The following OAS2 variants were observed in gnomAD, a reference collection of about 807,000 sequenced individuals.
OAS2 encodes 2'-5'-oligoadenylate synthetase 2.
In OAS2, 67 loss-of-function variants were observed where a neutral mutation model predicts 71.3. The ratio of observed to expected loss-of-function variants is 0.94; its 90% CI spans 0.77 to 1.15. The LOEUF (loss-of-function observed/expected upper bound fraction) is 1.15. Ranked by LOEUF, OAS2 falls within the 50% of genes most tolerant of loss-of-function variation. The pLI is 0.00. For synonymous variants in OAS2, 327 were observed against 321.8 expected (o/e 1.02, Z -0.17); for missense variants, 789 against 822.5 (o/e 0.96, Z 0.50).
chr12:113,008,392 C>T (rs909746233), intron 9 of OAS2, among the ~76,000 whole-genome samples: 1 of 151,974 alleles, frequency 6.6e-6, no homozygotes, highest in African/African-American at 2.4e-5. Context: ...AATAAAGGAG[C>T]GTTGAAAAAG....
intron 9 of OAS2, 75 bp from the exon 10 acceptor site, chr12:113,009,012 T>C: frequency 6.5e-7 from 1 of 1,549,786 alleles, no homozygotes; most frequent in East Asian, 2.3e-5. Context: ...TTGCTGAAAG[T>C]ATTATAGGAT....
At chr12:112,987,737 G>A (rs2044153394) in intron 2 of OAS2, 1 of 1,011,206 alleles carries the variant, frequency 9.9e-7, no homozygotes. Context: ...AAGAGGATGA[G>A]GCAGACATCT....
At chr12:112,983,946 G>A (rs943171576) in intron 1 of OAS2, among the ~76,000 whole-genome samples, 6 of 152,126 alleles carry the variant, frequency 3.9e-5, no homozygotes, top group Non-Finnish European at 8.8e-5. Flanking sequence ...TAAATAATCT[G>A]CAAATATTCA....
intron 7 of OAS2, among the ~76,000 whole-genome samples, chr12:113,005,918 CAAAAAAAAAAAAAAAAAA>C (rs138299398): frequency 2.0e-5 from 1 of 49,044 alleles, no homozygotes; most frequent in Non-Finnish European, 3.5e-5. Flanking sequence ...ACAACAACAA[CAAAAAAAAAAAAAAAAAA>C]AAAAAAAAAA....
At chr12:113,003,135 A>G (rs746687058) in intron 6 of OAS2, 33 bp downstream of exon 6, 3 of 1,607,374 alleles carry the variant, frequency 1.9e-6, no homozygotes, top group Non-Finnish European at 1.7e-6. Context: ...TCTTGTTGGA[A>G]TGATGTAATA....
chr12:112,997,499 T>A, intron 3 of OAS2, 21 bp from the exon 4 acceptor site: 3 of 1,601,772 alleles, frequency 1.9e-6, no homozygotes, highest in Non-Finnish European at 2.6e-6. Context: ...AATGAGCTGC[T>A]ACCCTTTCCT....
chr12:113,008,354 T>A (rs1159233658), intron 9 of OAS2, among the ~76,000 whole-genome samples: 1 of 151,116 alleles, frequency 6.6e-6, no homozygotes, highest in Non-Finnish European at 1.5e-5. Context: ...ACAAAAACAA[T>A]GGAAACCAGA....
In OAS2 at chr12:113,010,247, C is replaced by A; in HGVS notation, c.*992C>A. The A allele has an allele frequency of 6.8e-7, 1 of 1,470,768 alleles. No individual in the cohort carries two copies. Among genetic ancestry groups the A allele is most frequent in the South Asian group, 1.5e-5 (1 of 67,186 alleles). The allele number at this position is 1,470,768 out of a possible 1,614,324, so 91.1% of individuals were successfully genotyped here. A position where few individuals can be genotyped will look rare whatever the true frequency, so the allele number is the denominator to read the frequency against. ...TAAGATATGCATTATAAATAAATAC[C>A]AAAAAATTGTCTCTGGCAATAGTTA... On this transcript the variant is annotated 3_prime_UTR_variant, in exon 10 of 10. Coordinates refer to ENST00000392583, the MANE Select transcript of OAS2 (RefSeq NM_002535.3).
chr12:112,994,088 A>C (rs1286929528), intron 2 of OAS2, among the ~76,000 whole-genome samples: 1 of 152,168 alleles, frequency 6.6e-6, no homozygotes, highest in African/African-American at 2.4e-5. Flanking sequence ...GACCTCTCAA[A>C]AAGTATCAAA....
At chr12:112,993,178 T>C (rs889744576) in intron 2 of OAS2, among the ~76,000 whole-genome samples, 1 of 152,232 alleles carries the variant, frequency 6.6e-6, no homozygotes, top group Non-Finnish European at 1.5e-5. Flanking sequence ...CTAACTAATC[T>C]GGCCTATTTT....
At chr12:112,996,199 C>T (rs2044230917) in intron 3 of OAS2, among the ~76,000 whole-genome samples, 2 of 151,954 alleles carry the variant, frequency 1.3e-5, no homozygotes, top group Non-Finnish European at 2.9e-5. Flanking sequence ...CAAATTGGGG[C>T]AATTTTCAAA....
intron 1 of OAS2, among the ~76,000 whole-genome samples, chr12:112,985,182 G>A (rs1812425051): frequency 6.6e-6 from 1 of 152,020 alleles, no homozygotes; most frequent in African/African-American, 2.4e-5. Flanking sequence ...CTGTATCTGG[G>A]TGTCTAAATC....
At position 113,009,162 on chromosome 12, in the gene OAS2, A is replaced by T. The variant is rs1565998858; in HGVS notation, c.1971A>T (p.Ala657=). 1.9e-6 allele frequency: 3 copies of T among 1,614,146 alleles called. No individual in the cohort carries two copies. Among genetic ancestry groups the T allele is most frequent in the Non-Finnish European group, 2.5e-6 (3 of 1,180,022 alleles). Residue 657 remains alanine, a synonymous_variant, in exon 10 of 10, where the codon GCA becomes GCT. Transcript: ENST00000392583. ...GGDRWCWHLL[A]KEAKEWLSSP... Reference sequence around the variant, plus strand: ...ACCGTTGGTGTTGGCATCTTCTGGCAAAAGAAGCAAAGGAATGGTTATCCT... The same window carrying T: ...ACCGTTGGTGTTGGCATCTTCTGGCTAAAGAAGCAAAGGAATGGTTATCCT...
rs754539372 is a variant in OAS2, at chr12:113,005,037, G to A, written c.1283G>A (p.Arg428Gln). ...AGCTACACCTCCCAAAAAAACGAGC[G>A]GCACAAAATCGTCAAGGAAATCCAT... ...LKSYTSQKNE[R>Q]HKIVKEIHEQ... is the part of the protein sequence containing the mutation. Residue 428 changes from arginine to glutamine, a missense_variant, in exon 7 of 10, where the codon CGG (arginine) becomes CAG (glutamine). Physicochemically the swap from Arg to Gln is conservative, Grantham distance 43. Transcript: ENST00000392583. 20 of 1,613,998 alleles carry A rather than the reference G, an allele frequency of 1.2e-5. No individual in the cohort carries two copies. The highest frequency in any genetic ancestry group is 5.0e-5 in the Admixed American group (3 of 60,002).
intron 1 of OAS2, among the ~76,000 whole-genome samples, chr12:112,984,212 G>T (rs187809758): frequency 6.6e-5 from 10 of 152,166 alleles, no homozygotes; most frequent in African/African-American, 2.4e-4. Flanking sequence ...CCGTTGGGTG[G>T]TCATACATAT....
At chr12:112,987,541 C>A (rs1307936360) in intron 2 of OAS2, 1 of 1,404,206 alleles carries the variant, frequency 7.1e-7, no homozygotes, top group East Asian at 2.5e-5. Flanking sequence ...ATTCTAGAAT[C>A]TAAGGCAGAG....
At chr12:112,984,585 G>A (rs2044115128) in intron 1 of OAS2, among the ~76,000 whole-genome samples, 1 of 152,164 alleles carries the variant, frequency 6.6e-6, no homozygotes, top group South Asian at 2.1e-4. Flanking sequence ...TTATTGATAG[G>A]TAACAACTTA....
At chr12:113,005,918 CAA>C (rs138299398) in intron 7 of OAS2, among the ~76,000 whole-genome samples, 233 of 49,026 alleles carry the variant, frequency 4.8e-3, no homozygotes, top group African/African-American at 0.015. Context: ...ACAACAACAA[CAA>C]AAAAAAAAAA....
chr12:113,010,803 A>G lies in OAS2; in HGVS notation c.*1548A>G, dbSNP rs917184329. On this transcript the variant is annotated 3_prime_UTR_variant, in exon 10 of 10. Transcript: ENST00000392583. ...AAAAAGGAATCCTCTGTGTCTTCAAAGCAAAGCTCTTTACTTTCCCCTTGG... is the reference window on the plus strand; with the variant it reads ...AAAAAGGAATCCTCTGTGTCTTCAAGGCAAAGCTCTTTACTTTCCCCTTGG... The G allele has an allele frequency of 1.6e-5, 3 of 186,632 alleles. No homozygotes were observed. The highest frequency in any genetic ancestry group is 7.1e-5 in the African/African-American group (3 of 42,038). The allele number at this position is 186,632 out of a possible 1,614,324, so 11.6% of individuals were successfully genotyped here. A position where few individuals can be genotyped will look rare whatever the true frequency, so the allele number is the denominator to read the frequency against.
Sources: allele counts gnomAD v4.1 joint callset (sites outside exome capture counted in the v4.1 genomes callset), GRCh38; gene constraint gnomAD v4.1.1; transcripts MANE v1.5; gene names NCBI Gene and HGNC (gene_info 2026-07-23, HGNC 2026-07-21).